DOCK3: variants seen among roughly 807,000 people sequenced by gnomAD.
DOCK3 encodes the protein dedicator of cytokinesis protein 3.
A neutral mutation model predicts 265.6 loss-of-function variants in DOCK3; 60 were observed. The ratio of observed to expected loss-of-function variants is 0.23; its 90% CI spans 0.18 to 0.28. The LOEUF is 0.28. DOCK3 is among the 10% of genes least tolerant of loss of function. The pLI is 1.00. For synonymous variants in DOCK3, 881 were observed against 938.0 expected (o/e 0.94, Z 1.11); for missense variants, 1,981 against 2,594.3 (o/e 0.76, Z 5.14).
intron 49 of DOCK3, 74 bp downstream of exon 49, chr3:51,362,748 C>T (rs1222146927): frequency 6.4e-7 from 1 of 1,550,414 alleles, no homozygotes; most frequent in Non-Finnish European, 8.7e-7. Context: ...TTCCTCTCAT[C>T]TGTGGCTGTG....
chr3:50,941,595 C>T (rs546915738), intron 5 of DOCK3, among the ~76,000 whole-genome samples: 1 of 152,176 alleles, frequency 6.6e-6, no homozygotes, highest in South Asian at 2.1e-4. Context: ...CTTCTGTTCA[C>T]ATAATAGCTT....
At chr3:50,962,976 C>T (rs1225869131) in intron 5 of DOCK3, among the ~76,000 whole-genome samples, 1 of 152,176 alleles carries the variant, frequency 6.6e-6, no homozygotes, top group Non-Finnish European at 1.5e-5. Context: ...CACCTGAGGT[C>T]AGGAGTTTGA....
At chr3:50,887,908 G>C (rs373951051) in intron 3 of DOCK3, among the ~76,000 whole-genome samples, 72 of 152,242 alleles carry the variant, frequency 4.7e-4, no homozygotes, top group South Asian at 1.7e-3. Flanking sequence ...ATGTCATACT[G>C]AATGGGCAAA....
chr3:51,311,641 A>T (rs748173043), intron 28 of DOCK3, among the ~76,000 whole-genome samples: 1 of 152,202 alleles, frequency 6.6e-6, no homozygotes, highest in Non-Finnish European at 1.5e-5. Context: ...TCCCCAAAAT[A>T]CTAGAACTAC....
intron 5 of DOCK3, among the ~76,000 whole-genome samples, chr3:51,008,171 G>A (rs1343298744): frequency 2.6e-5 from 4 of 152,164 alleles, no homozygotes; most frequent in African/African-American, 7.2e-5. Context: ...AAAGTCATTG[G>A]TAGCTTGATG....
chr3:50,906,508 A>C (rs935669657), intron 4 of DOCK3, among the ~76,000 whole-genome samples: 3 of 152,058 alleles, frequency 2.0e-5, no homozygotes, highest in Non-Finnish European at 4.4e-5. Context: ...GTGTGTGTCT[A>C]GGAATTTATC....
chr3:51,200,170 A>G (rs2088622954), intron 12 of DOCK3, among the ~76,000 whole-genome samples: 1 of 152,172 alleles, frequency 6.6e-6, no homozygotes, highest in Non-Finnish European at 1.5e-5. Flanking sequence ...CAACAATGGA[A>G]CAAAGCTGGT....
rs75475693 is a variant in DOCK3 at position 50,991,894 on chromosome 3, C to G, written c.315+57817C>G. Among the ~76,000 whole-genome samples, 551 of 152,256 alleles carry G rather than the reference C, an allele frequency of 3.6e-3. 6 individuals carry two copies. The highest frequency in any genetic ancestry group is 0.013 in the African/African-American group (524 of 41,572). On this transcript the variant is annotated intron_variant, in intron 5 of 52. Transcript: ENST00000266037. ...GAGCCAAAATCATACCAAATATACT[C>G]TTCAATCATAGTGCAGTAAAAATAG...
At chr3:51,152,619 C>G (rs62260390) in intron 10 of DOCK3, among the ~76,000 whole-genome samples, 1 of 152,170 alleles carries the variant, frequency 6.6e-6, no homozygotes, top group Non-Finnish European at 1.5e-5. Context: ...GGCTTCTCCC[C>G]ATCTTTGTGG....
In DOCK3 at chr3:51,362,581, T is replaced by A. The variant is rs752141799; in HGVS notation, c.5200T>A (p.Ser1734Thr). ...CTCAGTCACCAACGTCTCTGTTCTG[T>A]CCTCGTCCCAGGCAAGCCCTTCTTC... ...QGSVTNVSVL[S>T]SSQASPSSSS... Residue 1734 changes from serine (S) to threonine (T), a missense_variant, in exon 49 of 53, where the codon TCC (serine) becomes ACC (threonine). By Grantham distance (58) the Ser-to-Thr change is moderately conservative. Transcript: ENST00000266037. 1.9e-6 allele frequency: 3 copies of A among 1,613,866 alleles called. No individual in the cohort carries two copies. The African/African-American group carries it at 4.0e-5, about 22-fold the overall frequency.
intron 6 of DOCK3, among the ~76,000 whole-genome samples, chr3:51,066,269 A>G (rs2081587238): frequency 6.6e-6 from 1 of 152,238 alleles, no homozygotes; most frequent in African/African-American, 2.4e-5. Context: ...AAACAGGAAT[A>G]TTAAGATTGA....
At chr3:51,159,410 A>T in intron 11 of DOCK3, 106 bp downstream of exon 11, 2 of 1,041,432 alleles carry the variant, frequency 1.9e-6, no homozygotes, top group Non-Finnish European at 1.5e-6. Context: ...CTGTAATTTC[A>T]GGTCTCAGGA....
At chr3:50,781,662 A>G (rs1412392813) in intron 2 of DOCK3, among the ~76,000 whole-genome samples, 1 of 152,128 alleles carries the variant, frequency 6.6e-6, no homozygotes, top group Admixed American at 6.5e-5. Flanking sequence ...GGGTACGTGT[A>G]CACATTTGTT....
At chr3:51,144,681 G>GCAT (rs1304150006) in intron 9 of DOCK3, among the ~76,000 whole-genome samples, 1 of 152,098 alleles carries the variant, frequency 6.6e-6, no homozygotes, top group Non-Finnish European at 1.5e-5. Context: ...ATTCATTTCT[G>GCAT]CATGTCTAAC....
intron 1 of DOCK3, among the ~76,000 whole-genome samples, chr3:50,723,273 A>G (rs1466992177): frequency 1.3e-5 from 2 of 152,206 alleles, no homozygotes; most frequent in African/African-American, 2.4e-5. Context: ...CAGTAAAGCT[A>G]AAGAGACCTT....
chr3:50,751,836 CCTTCTCACATGA>C (rs2039832587), intron 1 of DOCK3, among the ~76,000 whole-genome samples: 1 of 152,054 alleles, frequency 6.6e-6, no homozygotes, highest in Admixed American at 6.6e-5. Context: ...CAAGCTTGGA[CCTTCTCACATGA>C]TGGTAGGTGA....
intron 1 of DOCK3, among the ~76,000 whole-genome samples, chr3:50,765,088 T>C (rs931085465): frequency 8.5e-5 from 12 of 140,452 alleles, no homozygotes; most frequent in Non-Finnish European, 1.5e-4. Context: ...TTTTTTTTTT[T>C]TTTTTTTTTT....
intron 1 of DOCK3, among the ~76,000 whole-genome samples, chr3:50,679,739 T>C (rs2034253921): frequency 6.6e-6 from 1 of 152,220 alleles, no homozygotes; most frequent in Non-Finnish European, 1.5e-5. Flanking sequence ...GCCCAACCTT[T>C]GCAACCTCTG....
At chr3:51,201,639 C>G (rs911537689) in intron 12 of DOCK3, among the ~76,000 whole-genome samples, 20 of 152,266 alleles carry the variant, frequency 1.3e-4, no homozygotes, top group Admixed American at 3.3e-4. Flanking sequence ...CAAGGATACC[C>G]AGGAATTGAA....
Sources: gnomAD v4.1 joint callset for allele counts (sites outside exome capture counted in the v4.1 genomes callset) on GRCh38, gnomAD v4.1.1 for gene constraint, MANE v1.5 for transcripts, NCBI Gene and HGNC (gene_info 2026-07-23, HGNC 2026-07-21) for gene names.